ATXN7: variants seen among roughly 807,000 people sequenced by gnomAD.
The protein encoded by ATXN7 is ataxin 7, also known as ataxin-7.
Under a neutral mutation model 70.5 loss-of-function variants are expected in ATXN7, and 12 were observed. The observed-to-expected ratio is 0.17, with a 90% CI of 0.11 to 0.28. ATXN7 has a LOEUF of 0.28. ATXN7 is among the 10% of genes least tolerant of loss of function. ATXN7 has a pLI of 1.00. For missense variants in ATXN7, 1,256 were observed against 1,131.7 expected (o/e 1.11, Z -1.58); for synonymous variants, 498 against 448.7 (o/e 1.11, Z -1.39).
At chr3:63,982,024 G>C (rs374365347) in intron 6 of ATXN7, among the ~76,000 whole-genome samples, 162 bp from the exon 7 acceptor site, 4 of 152,216 alleles carry the variant, frequency 2.6e-5, no homozygotes, top group South Asian at 4.1e-4. Flanking sequence ...GACTTAATCA[G>C]TATGAACCTT....
chr3:63,946,463 C>G (rs1342777662), intron 4 of ATXN7, among the ~76,000 whole-genome samples: 1 of 152,014 alleles, frequency 6.6e-6, no homozygotes, highest in African/African-American at 2.4e-5. Flanking sequence ...GACAGTGAAA[C>G]CCGTTCTCTA....
In ATXN7 at chr3:64,002,778, A is replaced by G. The variant is rs933033917; in HGVS notation, c.*3311A>G. ...AGACCTCTTGGTTCATAGTAATTCA[A>G]TTGGTGATGGATTGCCTGGTGGCAC... On this transcript the variant is annotated 3_prime_UTR_variant, in exon 13 of 13. Transcript: ENST00000674280. The G allele has an allele frequency of 3.9e-5, 6 of 152,272 alleles. No homozygotes were observed. The East Asian group carries it at 5.8e-4, about 15-fold the overall frequency. 9.4% of individuals were successfully genotyped at this position (152,272 alleles called of 1,614,324 possible). A position where few individuals can be genotyped will look rare whatever the true frequency, so the allele number is the denominator to read the frequency against.
In ATXN7 at chr3:64,000,352, G is replaced by A. The variant is rs2075820811; in HGVS notation, c.*885G>A. 1 of 149,200 alleles carries A rather than the reference G, an allele frequency of 6.7e-6. No homozygotes were observed. The highest frequency in any genetic ancestry group is 1.5e-5 in the Non-Finnish European group (1 of 67,136). 9.2% of individuals were successfully genotyped at this position (149,200 alleles called of 1,614,324 possible). ...AAACTTTTTTCAAGATTTCCAAAGA[G>A]ATGAAATTTTCTTAATCCTTTTAAG... On this transcript the variant is annotated 3_prime_UTR_variant, in exon 13 of 13. Transcript: ENST00000674280.
chr3:63,989,885 T>G (rs1034382409), intron 9 of ATXN7, among the ~76,000 whole-genome samples: 1 of 152,196 alleles, frequency 6.6e-6, no homozygotes, highest in Non-Finnish European at 1.5e-5. Context: ...GTATTTCCCC[T>G]TCTTTGGGGG....
chr3:63,863,856 G>A, upstream of ATXN7: 2 of 1,214,330 alleles, frequency 1.6e-6, no homozygotes, highest in Non-Finnish European at 2.0e-6. Flanking sequence ...GGCGGCGGAG[G>A]TCAAACTCCC....
intron 6 of ATXN7, among the ~76,000 whole-genome samples, chr3:63,981,277 G>C (rs1049262542): frequency 2.6e-5 from 4 of 152,158 alleles, no homozygotes; most frequent in African/African-American, 9.7e-5. Flanking sequence ...CTGTTCTTCT[G>C]TCAGAAGTAC....
Position 63,982,942 on chromosome 3 carries a change from G to T in ATXN7, c.1016G>T (p.Arg339Ile). The change falls in exon 8 of 13, where the codon AGA (arginine) becomes ATA (isoleucine). Residue 339 changes from arginine to isoleucine, a missense_variant. Transcript: ENST00000674280. ...AATGCCTGTGTTCTTTTGACAGAAA[G>T]AGAGTTTGATCCTGACATCCACTGT... is the stretch of plus-strand genomic sequence containing the variant. The part of the protein sequence containing the change: ...RKFLNKRLSE[R>I]EFDPDIHCGV... 1 of 1,613,832 alleles carries T rather than the reference G, an allele frequency of 6.2e-7. No homozygotes were observed.
chr3:63,993,993 C>A (rs1442925510), intron 11 of ATXN7, among the ~76,000 whole-genome samples: 1 of 152,166 alleles, frequency 6.6e-6, no homozygotes, highest in Non-Finnish European at 1.5e-5. Context: ...GCCTGCCACC[C>A]TCCTCTATGA....
chr3:63,999,684 C>A lies in ATXN7; in HGVS notation c.*217C>A. ...CTCATAAAGGACACTGGATCAAGTT[C>A]AGCCACCGAATTGCTTTTATCAGTG... On this transcript the variant is annotated 3_prime_UTR_variant, in exon 13 of 13. Transcript: ENST00000674280. 1 of 795,666 alleles carries A rather than the reference C, an allele frequency of 1.3e-6. No homozygotes were observed. Among genetic ancestry groups the A allele is most frequent in the Non-Finnish European group, 2.1e-6 (1 of 481,080 alleles). The allele number at this position is 795,666 out of a possible 1,614,324, so 49.3% of individuals were successfully genotyped here.
intron 12 of ATXN7, 137 bp downstream of exon 12, chr3:63,996,620 A>T (rs1466340621): frequency 2.7e-5 from 10 of 369,396 alleles, no homozygotes; most frequent in African/African-American, 2.4e-4. Flanking sequence ...GTCTTCTTAA[A>T]AAAAAAAAAA....
At position 63,948,200 on chromosome 3, in the gene ATXN7, T is replaced by A. The variant is rs887579733; in HGVS notation, c.395-4179T>A. Among the ~76,000 whole-genome samples the A allele has an allele frequency of 9.2e-5, 14 of 152,224 alleles. 1 individual carries two copies. Among genetic ancestry groups the A allele is most frequent in the Admixed American group, 9.2e-4 (14 of 15,292 alleles). On this transcript the variant is annotated intron_variant, in intron 4 of 12. Transcript: ENST00000674280. Reference sequence around the variant, plus strand: ...AGTGGAGAGAAGTGGATGAAGATTTTAGGATAGAACTTAACTGGGTGTGCT... The same window carrying A: ...AGTGGAGAGAAGTGGATGAAGATTTAAGGATAGAACTTAACTGGGTGTGCT...
At chr3:63,991,098 C>G (rs775903384) in intron 11 of ATXN7, 35 of 539,854 alleles carry the variant, frequency 6.5e-5, no homozygotes, top group Non-Finnish European at 9.8e-5. Flanking sequence ...AGCTCACAGT[C>G]TAGTTGGGAT....
rs1005099977 is a variant in ATXN7, at chr3:63,877,251, A to G, written c.-111+13093A>G. On this transcript the variant is annotated intron_variant, in intron 1 of 12. Coordinates refer to ENST00000674280, the MANE Select transcript of ATXN7 (RefSeq NM_001377405.1). ...ATTTTTTTTCGTGATTACAGAAATC[A>G]TAAGTGTTTGTAGAAAACTCAGAAA... Among the ~76,000 whole-genome samples the G allele has an allele frequency of 3.3e-5, 5 of 152,234 alleles. No individual in the cohort carries two copies. In the East Asian group the frequency reaches 5.8e-4, roughly 18 times the overall value.
chr3:63,892,073 G>A lies in ATXN7; in HGVS notation c.-110-6326G>A, dbSNP rs564656481. On this transcript the variant is annotated intron_variant, in intron 1 of 12. Coordinates refer to ENST00000674280, the MANE Select transcript of ATXN7 (RefSeq NM_001377405.1). ...TTAAACAAGACAGTGCATGTACAGA[G>A]TTTAGCAGAGGGTCTGATCCAAGTT... Among the ~76,000 whole-genome samples, 7 of 152,250 alleles carry A rather than the reference G, an allele frequency of 4.6e-5. No individual in the cohort carries two copies. In the East Asian group the frequency reaches 1.4e-3, roughly 29 times the overall value.
intron 1 of ATXN7, among the ~76,000 whole-genome samples, chr3:63,895,022 T>G (rs1703399685): frequency 6.6e-6 from 1 of 152,174 alleles, no homozygotes; most frequent in South Asian, 2.1e-4. Flanking sequence ...GTGCTTTCCT[T>G]GTAGGACTAA....
intron 7 of ATXN7, 71 bp from the exon 8 acceptor site, chr3:63,982,868 A>G (rs372047981): frequency 3.4e-5 from 41 of 1,189,860 alleles, no homozygotes; most frequent in Non-Finnish European, 4.0e-5. Context: ...GATTTCTTCT[A>G]TTTTCTTGCT....
intron 11 of ATXN7, among the ~76,000 whole-genome samples, chr3:63,991,707 C>T (rs1278509960): frequency 1.3e-5 from 2 of 152,018 alleles, no homozygotes; most frequent in Admixed American, 1.3e-4. Context: ...GCCATGTGCT[C>T]CAGTTTGCAA....
At chr3:63,873,638 C>T (rs1352239851) in intron 1 of ATXN7, 2 of 152,330 alleles carry the variant, frequency 1.3e-5, no homozygotes, top group East Asian at 3.9e-4. Context: ...CATTGTATCA[C>T]ATATAAGCGA....
At chr3:63,891,066 G>T (rs1358424753) in intron 1 of ATXN7, among the ~76,000 whole-genome samples, 1 of 152,110 alleles carries the variant, frequency 6.6e-6, no homozygotes, top group Admixed American at 6.5e-5. Flanking sequence ...CTGGAGTGCA[G>T]TGGCACCATC....
Sources: allele counts gnomAD v4.1 joint callset (sites outside exome capture counted in the v4.1 genomes callset), GRCh38; gene constraint gnomAD v4.1.1; transcripts MANE v1.5; gene names NCBI Gene and HGNC (gene_info 2026-07-23, HGNC 2026-07-21).